GPC6: variants seen among roughly 807,000 people sequenced by gnomAD.
The protein encoded by GPC6 is glypican-6.
A neutral mutation model predicts 55.2 loss-of-function variants in GPC6; 14 were observed. The ratio of observed to expected loss-of-function variants is 0.25; its 90% confidence interval spans 0.17 to 0.40. GPC6 has a LOEUF of 0.40. GPC6 is among the 10% of genes least tolerant of loss of function. The probability of loss-of-function intolerance (pLI) is 1.00; values close to 1 mark genes in which losing one functional copy is unlikely to be tolerated. For missense variants in GPC6, 641 were observed against 708.5 expected (o/e 0.90, Z 1.08); for synonymous variants, 278 against 259.6 (o/e 1.07, Z -0.68).
intron 1 of GPC6, among the ~76,000 whole-genome samples, chr13:93,414,272 C>CTA (rs1240975791): frequency 1.3e-5 from 2 of 152,128 alleles, no homozygotes; most frequent in Non-Finnish European, 2.9e-5. Flanking sequence ...TCACCCTCCC[C>CTA]TAACAGCTAA....
At chr13:93,984,788 G>C (rs917603447) in intron 3 of GPC6, among the ~76,000 whole-genome samples, 1 of 151,940 alleles carries the variant, frequency 6.6e-6, no homozygotes, top group African/African-American at 2.4e-5. Context: ...ACAAACTAAA[G>C]CAAAAAATAT....
At chr13:94,328,675 AAAT>A (rs1877249263) in intron 6 of GPC6, among the ~76,000 whole-genome samples, 1 of 152,346 alleles carries the variant, frequency 6.6e-6, no homozygotes, top group Non-Finnish European at 1.5e-5. Flanking sequence ...ATAAACAAAC[AAAT>A]AATATTTCTG....
chr13:94,291,763 T>G (rs1186425732), intron 5 of GPC6, among the ~76,000 whole-genome samples: 1 of 151,858 alleles, frequency 6.6e-6, no homozygotes, highest in Non-Finnish European at 1.5e-5. Context: ...ACATTTGAAG[T>G]TCTGGATTTC....
chr13:93,971,410 A>G (rs1010602926), intron 3 of GPC6, among the ~76,000 whole-genome samples: 1 of 152,232 alleles, frequency 6.6e-6, no homozygotes, highest in Non-Finnish European at 1.5e-5. Flanking sequence ...GTCTAAGCTC[A>G]GGCAAATAAA....
chr13:93,881,670 C>G (rs2140310331), intron 3 of GPC6, among the ~76,000 whole-genome samples: 1 of 152,128 alleles, frequency 6.6e-6, no homozygotes, highest in African/African-American at 2.4e-5. Context: ...ATATGTAATA[C>G]TTGCAATTAT....
chr13:93,932,973 CTTTTTTT>C (rs59362571), intron 3 of GPC6, among the ~76,000 whole-genome samples: 8 of 102,382 alleles, frequency 7.8e-5, no homozygotes, highest in South Asian at 3.2e-4. Context: ...TTGTTTTGTT[CTTTTTTT>C]TTTTTTTTTT....
intron 1 of GPC6, among the ~76,000 whole-genome samples, chr13:93,327,960 G>T (rs1879714183): frequency 6.6e-6 from 1 of 151,974 alleles, no homozygotes; most frequent in Non-Finnish European, 1.5e-5. Flanking sequence ...GGAAGATAAT[G>T]CAGAGCTTTG....
At chr13:93,531,017 A>G (rs1276330902) in intron 1 of GPC6, among the ~76,000 whole-genome samples, 2 of 152,170 alleles carry the variant, frequency 1.3e-5, no homozygotes, top group African/African-American at 4.8e-5. Context: ...TATCTCAGAT[A>G]CTGACACTGA....
intron 5 of GPC6, among the ~76,000 whole-genome samples, chr13:94,286,872 G>A (rs1234073764): frequency 3.3e-5 from 5 of 152,086 alleles, no homozygotes; most frequent in Non-Finnish European, 5.9e-5. Flanking sequence ...TGCAGACCAG[G>A]CACATGTTCT....
intron 1 of GPC6, among the ~76,000 whole-genome samples, chr13:93,472,480 C>T (rs913390516): frequency 3.9e-5 from 6 of 152,174 alleles, no homozygotes; most frequent in East Asian, 1.9e-4. Context: ...CTCCAGGTGC[C>T]GGCATGGGCG....
intron 4 of GPC6, among the ~76,000 whole-genome samples, chr13:94,245,380 A>G (rs2139030935): frequency 6.6e-6 from 1 of 151,894 alleles, no homozygotes; most frequent in South Asian, 2.1e-4. Flanking sequence ...GTAACATAGC[A>G]AGACTCCACT....
chr13:93,723,317 T>C (rs757757296), intron 2 of GPC6, among the ~76,000 whole-genome samples: 1 of 151,886 alleles, frequency 6.6e-6, no homozygotes, highest in Non-Finnish European at 1.5e-5. Context: ...ATGTTTCCTA[T>C]GGGAGGCAGT....
At chr13:94,381,641 T>A (rs1418097155) in intron 6 of GPC6, among the ~76,000 whole-genome samples, 2 of 152,174 alleles carry the variant, frequency 1.3e-5, no homozygotes, top group East Asian at 3.8e-4. Context: ...AGAATTCAAT[T>A]CATAACAGAT....
At chr13:93,289,946 A>G (rs1878264569) in intron 1 of GPC6, among the ~76,000 whole-genome samples, 1 of 152,204 alleles carries the variant, frequency 6.6e-6, no homozygotes, top group African/African-American at 2.4e-5. Context: ...ATGGACTCAC[A>G]GAGTAAAGAG....
chr13:93,539,526 C>T (rs1882201022), intron 1 of GPC6, among the ~76,000 whole-genome samples: 1 of 152,078 alleles, frequency 6.6e-6, no homozygotes. Context: ...GAGTCGGGCT[C>T]ACGCGGAATT....
chr13:94,228,263 C>T (rs1319155257), intron 4 of GPC6, among the ~76,000 whole-genome samples: 3 of 152,004 alleles, frequency 2.0e-5, no homozygotes, highest in Non-Finnish European at 2.9e-5. Context: ...CCTCTGACAC[C>T]ACTGAAATGC....
chr13:93,880,866 A>G (rs1185658292), intron 3 of GPC6, among the ~76,000 whole-genome samples: 1 of 138,404 alleles, frequency 7.2e-6, no homozygotes. Flanking sequence ...AAAAATAAAA[A>G]TAAAATAGCC....
At chr13:94,154,144 A>T (rs973098634) in intron 4 of GPC6, 10 of 152,180 alleles carry the variant, frequency 6.6e-5, no homozygotes, top group Non-Finnish European at 1.2e-4. Flanking sequence ...ATGAGATTAT[A>T]AATTTATATT....
At chr13:93,486,874 G>A (rs543981089) in intron 1 of GPC6, among the ~76,000 whole-genome samples, 1 of 151,368 alleles carries the variant, frequency 6.6e-6, no homozygotes, top group South Asian at 2.1e-4. Context: ...GAACCAGGGA[G>A]TTGGAGGTTG....
Sources: gnomAD v4.1 joint callset for allele counts (sites outside exome capture counted in the v4.1 genomes callset) on GRCh38, gnomAD v4.1.1 for gene constraint, MANE v1.5 for transcripts, NCBI Gene and HGNC (gene_info 2026-07-23, HGNC 2026-07-21) for gene names.